RBFOX1: variants seen among roughly 807,000 people sequenced by gnomAD.
RBFOX1 encodes RNA binding fox-1 homolog 1.
RBFOX1 carries 8 observed loss-of-function variants against 57.7 expected under a neutral mutation model. That is an observed-to-expected ratio of 0.14 (90% CI 0.08 to 0.25). The LOEUF (loss-of-function observed/expected upper bound fraction) is 0.25. Ranked by LOEUF, RBFOX1 falls within the 10% of genes least tolerant of loss-of-function variation. The probability of loss-of-function intolerance (pLI) is 1.00; values close to 1 mark genes in which losing one functional copy is unlikely to be tolerated. For missense variants in RBFOX1, 611 were observed against 548.5 expected (o/e 1.11, Z -1.14); for synonymous variants, 326 against 222.4 (o/e 1.47, Z -4.15).
chr16:7,160,672 C>G (rs2078119479), intron 4 of RBFOX1, among the ~76,000 whole-genome samples: 1 of 152,066 alleles, frequency 6.6e-6, no homozygotes, highest in African/African-American at 2.4e-5. Context: ...GCATAATCTT[C>G]ATCTTAGTTT....
intron 1 of RBFOX1, among the ~76,000 whole-genome samples, chr16:6,315,078 G>A (rs573844779): frequency 6.6e-6 from 1 of 152,184 alleles, no homozygotes; most frequent in Non-Finnish European, 1.5e-5. Flanking sequence ...AAAAAGCACC[G>A]ACTTTGTGCT....
At chr16:7,687,974 G>T (rs2076423852) in intron 14 of RBFOX1, among the ~76,000 whole-genome samples, 1 of 151,968 alleles carries the variant, frequency 6.6e-6, no homozygotes, top group Non-Finnish European at 1.5e-5. Flanking sequence ...ACCGGGGTGT[G>T]GGCCTGGTCA....
intron 1 of RBFOX1, among the ~76,000 whole-genome samples, chr16:6,283,127 G>C (rs953085092): frequency 6.6e-6 from 1 of 152,176 alleles, no homozygotes; most frequent in African/African-American, 2.4e-5. Flanking sequence ...AGGAGTGGGA[G>C]ACTAGTCTGG....
chr16:6,780,220 T>G (rs865802413), intron 3 of RBFOX1, among the ~76,000 whole-genome samples: 2 of 78,366 alleles, frequency 2.6e-5, no homozygotes, highest in African/African-American at 1.1e-4. Context: ...TATATATATT[T>G]ATATATATAT....
chr16:6,094,617 C>G (rs1279195562), intron 1 of RBFOX1, among the ~76,000 whole-genome samples: 1 of 152,184 alleles, frequency 6.6e-6, no homozygotes, highest in African/African-American at 2.4e-5. Flanking sequence ...TGGAATTCAG[C>G]TCCTTCTAGT....
chr16:6,477,683 CG>C (rs1476338397), intron 2 of RBFOX1, among the ~76,000 whole-genome samples: 2 of 152,182 alleles, frequency 1.3e-5, no homozygotes, highest in African/African-American at 4.8e-5. Context: ...CTAATAAGAG[CG>C]TCAGCTTGTC....
intron 2 of RBFOX1, among the ~76,000 whole-genome samples, chr16:6,332,264 C>T (rs756691466): frequency 1.3e-5 from 2 of 152,110 alleles, no homozygotes; most frequent in Non-Finnish European, 2.9e-5. Context: ...GAGCTAAATT[C>T]GATCAACCAG....
intron 4 of RBFOX1, among the ~76,000 whole-genome samples, chr16:5,948,457 A>G (rs921765770): frequency 6.6e-6 from 1 of 152,188 alleles, no homozygotes; most frequent in Non-Finnish European, 1.5e-5. Context: ...GAACCTCAGA[A>G]TGTGGCCATA....
intron 4 of RBFOX1, among the ~76,000 whole-genome samples, chr16:7,074,643 G>A (rs1282630389): frequency 6.6e-6 from 1 of 152,052 alleles, no homozygotes; most frequent in African/African-American, 2.4e-5. Flanking sequence ...GACAGACAAT[G>A]GGACAAAAAA....
At chr16:7,025,455 C>T (rs989847462) in intron 3 of RBFOX1, among the ~76,000 whole-genome samples, 6 of 152,134 alleles carry the variant, frequency 3.9e-5, no homozygotes, top group Non-Finnish European at 1.5e-5. Context: ...AATGCCTAAC[C>T]TTCTGGGAAT....
chr16:6,671,016 G>T (rs2098761335), intron 3 of RBFOX1, among the ~76,000 whole-genome samples: 1 of 151,928 alleles, frequency 6.6e-6, no homozygotes, highest in Admixed American at 6.6e-5. Context: ...ACAAAAAACT[G>T]GTTTCCTTAT....
intron 2 of RBFOX1, among the ~76,000 whole-genome samples, chr16:6,649,917 G>A (rs1015549174): frequency 6.6e-6 from 1 of 152,034 alleles, no homozygotes; most frequent in African/African-American, 2.4e-5. Flanking sequence ...GTGGATTGGT[G>A]GGCCTTTGGG....
At chr16:6,894,292 G>T (rs1253799850) in intron 3 of RBFOX1, among the ~76,000 whole-genome samples, 3 of 152,142 alleles carry the variant, frequency 2.0e-5, no homozygotes, top group Non-Finnish European at 2.9e-5. Flanking sequence ...TATTTCCAAG[G>T]GGTGGTCTGT....
intron 3 of RBFOX1, among the ~76,000 whole-genome samples, chr16:7,002,137 G>T (rs1041437896): frequency 1.3e-5 from 2 of 151,988 alleles, no homozygotes; most frequent in Non-Finnish European, 2.9e-5. Flanking sequence ...CTTGTTAGGT[G>T]AGTCTAGGGT....
intron 2 of RBFOX1, among the ~76,000 whole-genome samples, chr16:6,320,747 C>G (rs892990608): frequency 2.6e-5 from 4 of 151,142 alleles, no homozygotes; most frequent in African/African-American, 9.7e-5. Flanking sequence ...TAACTGAAAA[C>G]TAAGTGTTCT....
chr16:7,394,886 C>T (rs1370487122), intron 4 of RBFOX1, among the ~76,000 whole-genome samples: 5 of 152,208 alleles, frequency 3.3e-5, no homozygotes, highest in Non-Finnish European at 7.3e-5. Flanking sequence ...ACCCTCCTTG[C>T]CGTCCCCTGC....
intron 3 of RBFOX1, among the ~76,000 whole-genome samples, chr16:7,011,573 G>A (rs529025579): frequency 2.0e-5 from 3 of 152,144 alleles, no homozygotes; most frequent in Admixed American, 6.5e-5. Flanking sequence ...GAGTGCAGTG[G>A]CATGATCTCG....
At chr16:6,258,586 C>T (rs1169897868) in intron 1 of RBFOX1, among the ~76,000 whole-genome samples, 1 of 152,216 alleles carries the variant, frequency 6.6e-6, no homozygotes, top group South Asian at 2.1e-4. Flanking sequence ...CAGTGTCATA[C>T]TGAATACCTT....
chr16:6,752,910 C>G (rs1011754852), intron 3 of RBFOX1, among the ~76,000 whole-genome samples: 1 of 151,768 alleles, frequency 6.6e-6, no homozygotes, highest in East Asian at 1.9e-4. Context: ...TTTTATCTTC[C>G]TGTTGGCAAT....
Sources: allele counts gnomAD v4.1 joint callset (sites outside exome capture counted in the v4.1 genomes callset), GRCh38; gene constraint gnomAD v4.1.1; transcripts MANE v1.5; gene names NCBI Gene and HGNC (gene_info 2026-07-23, HGNC 2026-07-21).